Variants in BASP1 observed in about 807,000 individuals in gnomAD.
BASP1 encodes brain abundant membrane attached signal protein 1.
A neutral mutation model predicts 2.2 loss-of-function variants in BASP1; 1 was observed. That is an observed-to-expected ratio of 0.46 (90% CI 0.16 to 2.17). BASP1 has a LOEUF of 2.17. BASP1 is among the 30% of genes most tolerant of loss of function. The pLI is 0.27. For missense variants in BASP1, 352 were observed against 327.2 expected (o/e 1.08, Z -0.58); for synonymous variants, 187 against 154.2 (o/e 1.21, Z -1.58).
At chr5:17,270,047 G>A (rs904046861) in intron 1 of BASP1, among the ~76,000 whole-genome samples, 3 of 152,050 alleles carry the variant, frequency 2.0e-5, no homozygotes, top group Admixed American at 1.3e-4. Context: ...GTTGCCCAGG[G>A]TGGAGTGCAA....
Position 17,275,264 on chromosome 5 carries a change from C to G in BASP1, c.48C>G (p.Asp16Glu). The G allele has an allele frequency of 6.2e-7, 1 of 1,613,748 alleles. No homozygotes were observed. Among genetic ancestry groups the G allele is most frequent in the Non-Finnish European group, 8.5e-7 (1 of 1,179,948 alleles). ...AGAAGAAGGGCTACAATGTGAACGA[C>G]GAGAAAGCCAAGGAGAAAGACAAGA... Reference protein sequence around the residue: ...SKKKKGYNVNDEKAKEKDKKA... With the variant: ...SKKKKGYNVNEEKAKEKDKKA... The change falls in exon 2 of 2, where the codon GAC (aspartate) becomes GAG (glutamate). Residue 16 changes from aspartate to glutamate, a missense_variant. Coordinates refer to ENST00000322611, the MANE Select transcript of BASP1 (RefSeq NM_006317.5). This position sits in a 1 kb window ranked among gnomAD's most constrained non-coding sequence, Gnocchi z 5.3.
chr5:17,260,262 A>C lies in BASP1; in HGVS notation c.-9-14946A>C, dbSNP rs1561174469. On this transcript the variant is annotated intron_variant, in intron 1 of 1. Coordinates refer to ENST00000322611, the MANE Select transcript of BASP1 (RefSeq NM_006317.5). The surrounding 1 kb of genome is among the most constrained non-coding windows in gnomAD (Gnocchi z 4.2). The stretch of plus-strand genomic sequence containing the variant: ...TAAAAAAGAAGAAAAAACCTTCTGC[A>C]TTAGTGTCTATACAGTCAACCTTTA... Among the ~76,000 whole-genome samples the C allele has an allele frequency of 6.6e-6, 1 of 152,186 alleles. No homozygotes were observed. Among genetic ancestry groups the C allele is most frequent in the Middle Eastern group, 3.2e-3 (1 of 316 alleles).
intron 1 of BASP1, among the ~76,000 whole-genome samples, chr5:17,266,760 C>T (rs990109151): frequency 4.8e-5 from 7 of 144,408 alleles, no homozygotes; most frequent in Non-Finnish European, 8.9e-5. Context: ...TGCAGTGAGC[C>T]GAGATCGCGC....
At chr5:17,229,305 A>G (rs1012393559) in intron 1 of BASP1, among the ~76,000 whole-genome samples, 2 of 152,210 alleles carry the variant, frequency 1.3e-5, no homozygotes, top group African/African-American at 4.8e-5. Context: ...GTCTTGTTAA[A>G]TAAGGTTTGA....
At chr5:17,217,552 C>T, upstream of BASP1, 1 of 12,960 alleles carries the variant, frequency 7.7e-5, no homozygotes, top group Non-Finnish European at 1.5e-4. Flanking sequence ...GGCGGACGCG[C>T]GGGGGGAGGG....
intron 1 of BASP1, among the ~76,000 whole-genome samples, chr5:17,261,070 A>T (rs1241267180): frequency 6.6e-6 from 1 of 152,220 alleles, no homozygotes; most frequent in East Asian, 1.9e-4. Context: ...TTAGGCAATG[A>T]TGATTTAGAT....
At chr5:17,218,754 C>T (rs1209919215) in intron 1 of BASP1, among the ~76,000 whole-genome samples, 8 of 151,426 alleles carry the variant, frequency 5.3e-5, no homozygotes, top group Non-Finnish European at 1.2e-4. Flanking sequence ...CCCCCGTCCC[C>T]CCTCCATTTC....
intron 1 of BASP1, among the ~76,000 whole-genome samples, chr5:17,230,095 G>A (rs1311576011): frequency 7.2e-5 from 11 of 152,174 alleles, no homozygotes; most frequent in African/African-American, 2.7e-4. Flanking sequence ...TCCTGGGGAA[G>A]CTCATTTTAA....
intron 1 of BASP1, among the ~76,000 whole-genome samples, chr5:17,223,153 G>A (rs1041921368): frequency 6.6e-6 from 1 of 151,968 alleles, no homozygotes; most frequent in Non-Finnish European, 1.5e-5. Context: ...TAGAAAGCAT[G>A]ATTTGGAGGG....
At chr5:17,267,857 T>C (rs1304379505) in intron 1 of BASP1, among the ~76,000 whole-genome samples, 1 of 148,660 alleles carries the variant, frequency 6.7e-6, no homozygotes, top group African/African-American at 2.5e-5. Context: ...TTAAAATTTT[T>C]TTTATTTCTA....
At chr5:17,235,096 A>C (rs1739714424) in intron 1 of BASP1, among the ~76,000 whole-genome samples, 1 of 152,130 alleles carries the variant, frequency 6.6e-6, no homozygotes, top group African/African-American at 2.4e-5. Flanking sequence ...AAACACAGTA[A>C]GAATATGCTT....
chr5:17,228,686 G>A (rs1739566640), intron 1 of BASP1, among the ~76,000 whole-genome samples: 1 of 152,192 alleles, frequency 6.6e-6, no homozygotes, highest in Non-Finnish European at 1.5e-5. Flanking sequence ...AGAAGGAAGT[G>A]ATGGATAGAG....
chr5:17,237,448 G>T (rs1739771034), intron 1 of BASP1, among the ~76,000 whole-genome samples: 1 of 152,212 alleles, frequency 6.6e-6, no homozygotes, highest in Non-Finnish European at 1.5e-5. Flanking sequence ...CTGGATTAAA[G>T]CACAGACTGA....
chr5:17,269,735 G>A (rs1579503476), intron 1 of BASP1, among the ~76,000 whole-genome samples: 1 of 152,192 alleles, frequency 6.6e-6, no homozygotes, highest in African/African-American at 2.4e-5. Flanking sequence ...TAAACAAACA[G>A]TATTCTTCTG....
chr5:17,235,132 T>G (rs1311790072), intron 1 of BASP1, among the ~76,000 whole-genome samples: 5 of 152,154 alleles, frequency 3.3e-5, no homozygotes, highest in Non-Finnish European at 7.4e-5. Flanking sequence ...GTGTTTGTAG[T>G]TACTGTCAGA....
intron 1 of BASP1, among the ~76,000 whole-genome samples, chr5:17,269,653 C>T (rs904140471): frequency 6.6e-6 from 1 of 152,222 alleles, no homozygotes; most frequent in Non-Finnish European, 1.5e-5. Context: ...GGGAATAAAA[C>T]TAGTCACAAG....
chr5:17,237,065 G>A (rs1231976739), intron 1 of BASP1, among the ~76,000 whole-genome samples: 1 of 152,058 alleles, frequency 6.6e-6, no homozygotes, highest in Non-Finnish European at 1.5e-5. Context: ...TGATAAGGTG[G>A]CTGGGCATGG....
At chr5:17,246,266 G>A (rs1367036790) in intron 1 of BASP1, among the ~76,000 whole-genome samples, 1 of 151,986 alleles carries the variant, frequency 6.6e-6, no homozygotes, top group Non-Finnish European at 1.5e-5. Context: ...TGGATCATAA[G>A]GTCAGGAGTT....
At chr5:17,266,804 G>C in intron 1 of BASP1, among the ~76,000 whole-genome samples, 1 of 115,460 alleles carries the variant, frequency 8.7e-6, no homozygotes, top group Admixed American at 1.1e-4. Flanking sequence ...AGAGCAGCAA[G>C]ATCCTGTCTC....
Sources: gnomAD v4.1 joint callset for allele counts (sites outside exome capture counted in the v4.1 genomes callset) on GRCh38, gnomAD v4.1.1 for gene constraint, Gnocchi (gnomAD v3.1) non-coding constraint, MANE v1.5 for transcripts, NCBI Gene and HGNC (gene_info 2026-07-23, HGNC 2026-07-21) for gene names.